Variants in HSPA4 observed in about 807,000 individuals in gnomAD.
The protein encoded by HSPA4 is heat shock 70 kDa protein 4.
HSPA4 carries 25 observed loss-of-function variants against 106.2 expected under a neutral mutation model. The observed-to-expected ratio is 0.24, with a 90% CI of 0.17 to 0.33. The LOEUF is 0.33. HSPA4 is among the 10% of genes least tolerant of loss of function. HSPA4 has a pLI of 1.00. For missense variants in HSPA4, 841 were observed against 996.0 expected, an observed-to-expected ratio of 0.84 and a Z score of 2.10; for synonymous variants, 332 against 333.6, an observed-to-expected ratio of 1.00 and a Z score of 0.05.
chr5:133,067,507 A>C lies in HSPA4; in HGVS notation c.256A>C (p.Asn86His). The C allele has an allele frequency of 1.9e-6, 3 of 1,614,052 alleles. No individual in the cohort carries two copies. The highest frequency in any genetic ancestry group is 2.5e-6 in the Non-Finnish European group (3 of 1,179,888). ...TCCATTTGTGGAGGCAGAAAAATCTAACCTTGCATATGATATTGTGCAGTT... is the reference window on the plus strand; with the variant it reads ...TCCATTTGTGGAGGCAGAAAAATCTCACCTTGCATATGATATTGTGCAGTT... ...SDPFVEAEKS[N>H]LAYDIVQLPT... Residue 86 changes from asparagine to histidine, a missense_variant, in exon 3 of 19, where the codon AAC (asparagine) becomes CAC (histidine). By Grantham distance (68) the Asn-to-His change is moderately conservative. Coordinates refer to ENST00000304858, the MANE Select transcript of HSPA4 (RefSeq NM_002154.4).
rs554643507 is a variant in HSPA4, at chr5:133,090,538, T to A, written c.1379-655T>A. Among the ~76,000 whole-genome samples, 4 of 152,088 alleles carry A rather than the reference T, an allele frequency of 2.6e-5. No individual in the cohort carries two copies. In the South Asian group the frequency reaches 6.2e-4, roughly 24 times the overall value. ...TCAGAACCGTGTTATCTAGAGTAGT[T>A]ATAGACTCTGGGAAACTCTTATCTG... On this transcript the variant is annotated intron_variant, in intron 11 of 18. Transcript: ENST00000304858.
intron 1 of HSPA4, among the ~76,000 whole-genome samples, chr5:133,063,085 A>G (rs936663374): frequency 4.0e-5 from 6 of 150,386 alleles, no homozygotes; most frequent in Non-Finnish European, 7.4e-5. Context: ...GACCCTGGAT[A>G]AATTTATTTA....
At chr5:133,094,199 A>G (rs1765683885) in intron 13 of HSPA4, among the ~76,000 whole-genome samples, 1 of 152,174 alleles carries the variant, frequency 6.6e-6, no homozygotes. Flanking sequence ...ATCCTTTACA[A>G]CCTATTCTTT....
At chr5:133,064,719 G>A (rs1482417254) in intron 1 of HSPA4, among the ~76,000 whole-genome samples, 1 of 152,130 alleles carries the variant, frequency 6.6e-6, no homozygotes, top group Non-Finnish European at 1.5e-5. Flanking sequence ...GAGGATGGTA[G>A]AGACTGTCTA....
chr5:133,091,180 C>T lies in HSPA4; in HGVS notation c.1379-13C>T, dbSNP rs1363857504. On this transcript the variant is annotated splice_polypyrimidine_tract_variant and intron_variant, in intron 11 of 18. Transcript: ENST00000304858. Reference sequence around the variant, plus strand: ...TTAGGTTATGTGTTCTTTTGTCTCTCGTATGTCCCTAGCTCAGTTTTCAGT... The same window carrying T: ...TTAGGTTATGTGTTCTTTTGTCTCTTGTATGTCCCTAGCTCAGTTTTCAGT... 3.7e-6 allele frequency: 6 copies of T among 1,608,866 alleles called. No individual in the cohort carries two copies. The highest frequency in any genetic ancestry group is 1.1e-5 in the South Asian group (1 of 90,918).
intron 6 of HSPA4, among the ~76,000 whole-genome samples, chr5:133,074,381 C>T (rs1011002914): frequency 1.4e-4 from 21 of 151,726 alleles, no homozygotes; most frequent in African/African-American, 3.4e-4. Flanking sequence ...CAGGTTCAAG[C>T]GATTCTCCTG....
chr5:133,076,611 T>C (rs1294237325), intron 6 of HSPA4, 43 bp from the exon 7 acceptor site: 1 of 1,566,800 alleles, frequency 6.4e-7, no homozygotes, highest in African/African-American at 1.4e-5. Flanking sequence ...TGTTTCAAAA[T>C]CGATTGGTTA....
At chr5:133,086,567 C>T (rs73270391) in intron 7 of HSPA4, among the ~76,000 whole-genome samples, 1 of 152,170 alleles carries the variant, frequency 6.6e-6, no homozygotes, top group Non-Finnish European at 1.5e-5. Flanking sequence ...GAATCATATG[C>T]TAACTCTCTA....
At chr5:133,095,465 A>T (rs1765699182) in intron 13 of HSPA4, among the ~76,000 whole-genome samples, 1 of 152,352 alleles carries the variant, frequency 6.6e-6, no homozygotes, top group Admixed American at 6.5e-5. Flanking sequence ...CATACTGAAT[A>T]ACAGTGAGAT....
At chr5:133,097,981 AG>A (rs1255491082) in intron 15 of HSPA4, among the ~76,000 whole-genome samples, 1 of 150,612 alleles carries the variant, frequency 6.6e-6, no homozygotes, top group East Asian at 1.9e-4. Flanking sequence ...TGAATTATAT[AG>A]TGGTGAATTC....
intron 10 of HSPA4, among the ~76,000 whole-genome samples, 154 bp from the exon 11 acceptor site, chr5:133,089,408 T>A (rs1465585248): frequency 1.3e-5 from 2 of 152,216 alleles, no homozygotes; most frequent in African/African-American, 2.4e-5. Flanking sequence ...TGACTTTATA[T>A]ATAAAGATTC....
Position 133,091,392 on chromosome 5 carries a change from T to C in HSPA4, c.1560+18T>C. On this transcript the variant is annotated intron_variant, in intron 12 of 18. Transcript: ENST00000304858. The stretch of plus-strand genomic sequence containing the variant: ...AGGAAGAGGTAATCTAGACATTGTA[T>C]ACCACTTGTGATGGCCCAGAGGTGA... 6.3e-7 allele frequency: 1 copy of C among 1,592,744 alleles called. No individual in the cohort carries two copies. Among genetic ancestry groups the C allele is most frequent in the Non-Finnish European group, 8.6e-7 (1 of 1,165,064 alleles).
rs756006280 is a variant in HSPA4 at position 133,070,512 on chromosome 5, A to G, written c.429+16A>G. The G allele has an allele frequency of 6.8e-6, 11 of 1,612,532 alleles. No individual in the cohort carries two copies. The South Asian group carries it at 7.7e-5, about 11-fold the overall frequency. ...TGTTGTTTCGGTGAGTTTGATCCCTATACATTATTGGGAATTTGCATGAAG... is the reference window on the plus strand; with the variant it reads ...TGTTGTTTCGGTGAGTTTGATCCCTGTACATTATTGGGAATTTGCATGAAG... On this transcript the variant is annotated intron_variant, in intron 4 of 18. Coordinates refer to ENST00000304858, the MANE Select transcript of HSPA4 (RefSeq NM_002154.4).
At chr5:133,087,462 ATTTC>A (rs1765590449) in intron 8 of HSPA4, among the ~76,000 whole-genome samples, 1 of 152,198 alleles carries the variant, frequency 6.6e-6, no homozygotes, top group Admixed American at 6.5e-5. Flanking sequence ...GGGAAAGCCC[ATTTC>A]TTTAAATAGC....
At chr5:133,053,017 C>A (rs1289707116) in intron 1 of HSPA4, 1 of 152,278 alleles carries the variant, frequency 6.6e-6, no homozygotes, top group Non-Finnish European at 1.5e-5. Flanking sequence ...GGATATTGTG[C>A]TATATTGGGT....
intron 1 of HSPA4, 32 bp from the exon 2 acceptor site, chr5:133,064,948 T>G: frequency 6.3e-7 from 1 of 1,589,594 alleles, no homozygotes; most frequent in South Asian, 1.1e-5. Flanking sequence ...TGTAGTAAGA[T>G]TTAATTCTTA....
Position 133,104,230 on chromosome 5 carries a change from C to T in HSPA4, c.2320-3C>T. ...AACCAGTTTTCTGTCTTACCCATTC[C>T]AGGAGCTGACAAGTACTTGTAGCCC... On this transcript the variant is annotated splice_polypyrimidine_tract_variant and splice_region_variant and intron_variant, in intron 18 of 18. Coordinates refer to ENST00000304858, the MANE Select transcript of HSPA4 (RefSeq NM_002154.4). 2 of 1,613,264 alleles carry T rather than the reference C, an allele frequency of 1.2e-6. No individual in the cohort carries two copies. The highest frequency in any genetic ancestry group is 1.7e-6 in the Non-Finnish European group (2 of 1,179,484).
intron 7 of HSPA4, among the ~76,000 whole-genome samples, chr5:133,079,610 G>A (rs922393925): frequency 3.9e-5 from 6 of 152,072 alleles, no homozygotes; most frequent in Non-Finnish European, 8.8e-5. Flanking sequence ...ACAAGTACTT[G>A]TTTTCAGGTC....
chr5:133,089,721 AAG>A (rs1491080872), intron 11 of HSPA4, 26 bp downstream of exon 11: 6 of 1,487,948 alleles, frequency 4.0e-6, no homozygotes, highest in South Asian at 2.6e-5. Context: ...GAAATTAAAA[AAG>A]AAAAAAAAAA....
Sources: gnomAD v4.1 joint callset for allele counts (sites outside exome capture counted in the v4.1 genomes callset) on GRCh38, gnomAD v4.1.1 for gene constraint, MANE v1.5 for transcripts, NCBI Gene and HGNC (gene_info 2026-07-23, HGNC 2026-07-21) for gene names.